Variants in ACACA observed in about 807,000 individuals in gnomAD.
ACACA encodes acetyl-CoA carboxylase 1.
In ACACA, 103 loss-of-function variants were observed where a neutral mutation model predicts 296.1. The ratio of observed to expected loss-of-function variants is 0.35; its 90% confidence interval spans 0.30 to 0.41. The LOEUF (loss-of-function observed/expected upper bound fraction) is 0.41. Among genes scored for constraint, ACACA ranks in the 10% least tolerant of loss-of-function variants. The pLI is 1.00. For missense variants in ACACA, 1,554 were observed against 2,989.7 expected, an observed-to-expected ratio of 0.52 and a Z score of 11.20; for synonymous variants, 953 against 1,038.6, an observed-to-expected ratio of 0.92 and a Z score of 1.58.
At chr17:37,143,588 T>C (rs2075690226) in intron 45 of ACACA, 7 of 724,154 alleles carry the variant, frequency 9.7e-6, no homozygotes, top group Non-Finnish European at 1.1e-5. Context: ...TACACAGCCT[T>C]ACATTTCAAT....
At chr17:37,138,959 G>T (rs1159660511) in intron 45 of ACACA, among the ~76,000 whole-genome samples, 1 of 152,146 alleles carries the variant, frequency 6.6e-6, no homozygotes, top group Non-Finnish European at 1.5e-5. Flanking sequence ...ACTGTTGGAG[G>T]AGTACGGGAA....
At chr17:37,152,270 C>T (rs191620443) in intron 43 of ACACA, among the ~76,000 whole-genome samples, 197 of 152,268 alleles carry the variant, frequency 1.3e-3, no homozygotes, top group African/African-American at 4.5e-3. Flanking sequence ...ATTTTAGATG[C>T]CCTCTCTTAT....
chr17:37,269,091 TTAAAA>T (rs1289977537), intron 10 of ACACA, among the ~76,000 whole-genome samples: 4 of 150,610 alleles, frequency 2.7e-5, no homozygotes, highest in African/African-American at 9.7e-5. Context: ...TTTCTGACAC[TTAAAA>T]TAGGATAATG....
At chr17:37,211,797 T>A (rs555425658) in intron 29 of ACACA, among the ~76,000 whole-genome samples, 2 of 152,302 alleles carry the variant, frequency 1.3e-5, no homozygotes, top group Admixed American at 1.3e-4. Context: ...GCTCTTTGCA[T>A]CAAACCTGTA....
intron 27 of ACACA, 35 bp from the exon 28 acceptor site, chr17:37,223,636 C>G (rs746128428): frequency 2.1e-6 from 3 of 1,446,310 alleles, no homozygotes; most frequent in Non-Finnish European, 2.9e-6. Flanking sequence ...AGCCTTACAT[C>G]AAAAGGAGAA....
intron 1 of ACACA, among the ~76,000 whole-genome samples, chr17:37,361,078 G>A (rs938324592): frequency 2.9e-5 from 4 of 138,166 alleles, no homozygotes; most frequent in Non-Finnish European, 4.6e-5. Context: ...TCGCTCTGTC[G>A]CCCAGGCTGG....
chr17:37,403,992 T>G (rs976228195), intron 1 of ACACA, among the ~76,000 whole-genome samples: 5 of 152,138 alleles, frequency 3.3e-5, no homozygotes, highest in Non-Finnish European at 5.9e-5. Context: ...AGGCTGATCT[T>G]GAACTACTGG....
intron 1 of ACACA, among the ~76,000 whole-genome samples, chr17:37,374,918 G>A (rs2049940762): frequency 2.6e-5 from 4 of 152,072 alleles, no homozygotes; most frequent in Admixed American, 1.3e-4. Flanking sequence ...GTTCACGGCC[G>A]GCTGGGGTGG....
chr17:37,313,970 A>G (rs1287266502), intron 3 of ACACA, among the ~76,000 whole-genome samples: 2 of 152,208 alleles, frequency 1.3e-5, no homozygotes, highest in Non-Finnish European at 2.9e-5. Flanking sequence ...CCATCAACAG[A>G]TGAATGGATA....
intron 1 of ACACA, among the ~76,000 whole-genome samples, chr17:37,374,805 T>G (rs527539747): frequency 2.2e-3 from 336 of 152,268 alleles, no homozygotes; most frequent in African/African-American, 7.7e-3. Flanking sequence ...CCACCAATAC[T>G]CACTTCACTA....
intron 1 of ACACA, among the ~76,000 whole-genome samples, chr17:37,381,709 G>C (rs966670858): frequency 2.1e-5 from 3 of 145,466 alleles, no homozygotes; most frequent in Non-Finnish European, 4.5e-5. Flanking sequence ...CTCACTGCAA[G>C]CTCCGCCTCT....
At chr17:37,338,809 G>A (rs1297565136) in intron 2 of ACACA, among the ~76,000 whole-genome samples, 1 of 151,854 alleles carries the variant, frequency 6.6e-6, no homozygotes, top group Non-Finnish European at 1.5e-5. Flanking sequence ...GCGTGGCGGT[G>A]GGCACCTGTA....
chr17:37,361,903 T>TG (rs758402662), intron 1 of ACACA, among the ~76,000 whole-genome samples: 1 of 152,236 alleles, frequency 6.6e-6, no homozygotes, highest in Non-Finnish European at 1.5e-5. Context: ...AGGTCTGTTA[T>TG]GGGCTGAATT....
At chr17:37,308,860 C>G (rs977129322) in intron 3 of ACACA, among the ~76,000 whole-genome samples, 3 of 152,146 alleles carry the variant, frequency 2.0e-5, no homozygotes, top group Non-Finnish European at 4.4e-5. Context: ...CTGCTTGAAC[C>G]TGAGAGGCGG....
intron 2 of ACACA, among the ~76,000 whole-genome samples, chr17:37,338,028 C>T (rs562479082): frequency 2.0e-5 from 3 of 151,638 alleles, no homozygotes; most frequent in Admixed American, 6.6e-5. Flanking sequence ...ACCCAGGGGG[C>T]GGAGCTTGCA....
rs768632814 is a variant in ACACA at position 37,113,174 on chromosome 17, C to A, written c.6366G>T (p.Gln2122His). 30 of 1,614,090 alleles carry A rather than the reference C, an allele frequency of 1.9e-5. 2 individuals carry two copies. The South Asian group carries it at 3.3e-4, about 18-fold the overall frequency. Residue 2122 changes from glutamine to histidine, a missense_variant, in exon 51 of 56, where the codon CAG becomes CAT. This residue lies in a region of ACACA where 553 missense variants were observed against 1,043.6 expected (regional missense o/e 0.53). Transcript: ENST00000616317. This position sits in a 1 kb window ranked among gnomAD's most constrained non-coding sequence, Gnocchi z 4.0. The part of the protein sequence containing the change: ...CQPVLVYIPP[Q>H]AELRGGSWVV... Reference sequence around the variant, plus strand: ...CCCAGGAGCCACCCCGCAGCTCAGCCTGGGGAGGAATGTAAACCAGCACAG... The same window carrying A: ...CCCAGGAGCCACCCCGCAGCTCAGCATGGGGAGGAATGTAAACCAGCACAG...
intron 1 of ACACA, chr17:37,345,458 G>A (rs1054456562): frequency 6.6e-6 from 1 of 152,144 alleles, no homozygotes; most frequent in African/African-American, 2.4e-5. Flanking sequence ...TTACACTGTA[G>A]TAAGCTAACC....
intron 2 of ACACA, among the ~76,000 whole-genome samples, chr17:37,331,039 T>C (rs1224939280): frequency 6.6e-6 from 1 of 152,028 alleles, no homozygotes; most frequent in African/African-American, 2.4e-5. Context: ...GCCTCCCCAG[T>C]AGCTGGGACT....
intron 27 of ACACA, among the ~76,000 whole-genome samples, chr17:37,224,119 T>C (rs2079425682): frequency 6.6e-6 from 1 of 152,194 alleles, no homozygotes; most frequent in Non-Finnish European, 1.5e-5. Context: ...CAAGAATCGC[T>C]TGAACTCAGG....
Sources: allele counts gnomAD v4.1 joint callset (sites outside exome capture counted in the v4.1 genomes callset), GRCh38; gene constraint gnomAD v4.1.1; regional missense constraint gnomAD v4.1.1; non-coding constraint Gnocchi (gnomAD v3.1); transcripts MANE v1.5; gene names NCBI Gene and HGNC (gene_info 2026-07-23, HGNC 2026-07-21).